Variants in PRELID2 observed in about 807,000 individuals in gnomAD.
The protein encoded by PRELID2 is PRELI domain-containing protein 2.
A neutral mutation model predicts 28.4 loss-of-function variants in PRELID2; 25 were observed. That is an observed-to-expected ratio of 0.88 (90% confidence interval 0.64 to 1.23). PRELID2 has a LOEUF of 1.23. Ranked by LOEUF, PRELID2 falls within the 50% of genes most tolerant of loss-of-function variation. PRELID2 has a pLI of 0.00. For missense variants in PRELID2, 201 were observed against 214.4 expected (o/e 0.94, Z 0.39); for synonymous variants, 76 against 71.6 (o/e 1.06, Z -0.31).
chr5:145,362,286 G>T, the PRELID2 span, among the ~76,000 whole-genome samples: 1 of 152,266 alleles, frequency 6.6e-6, no homozygotes, highest in South Asian at 2.1e-4. Context: ...TAAGGAATCT[G>T]ATTCTCTTCA....
intron 5 of PRELID2, among the ~76,000 whole-genome samples, chr5:145,768,144 G>C (rs1474800194): frequency 6.9e-6 from 1 of 144,004 alleles, no homozygotes; most frequent in Non-Finnish European, 1.5e-5. Flanking sequence ...AGAATTGCTT[G>C]AACCAGGGAG....
the PRELID2 span, among the ~76,000 whole-genome samples, chr5:145,392,013 C>T: frequency 6.6e-6 from 1 of 152,130 alleles, no homozygotes; most frequent in Non-Finnish European, 1.5e-5. Context: ...TTCAAACTTT[C>T]CCACATTTTC....
At chr5:145,399,608 A>C in the PRELID2 span, among the ~76,000 whole-genome samples, 1 of 152,152 alleles carries the variant, frequency 6.6e-6, no homozygotes, top group African/African-American at 2.4e-5. Flanking sequence ...TCTAATTTGT[A>C]ATAACTAACC....
chr5:145,269,001 G>A, the PRELID2 span, among the ~76,000 whole-genome samples: 1 of 152,000 alleles, frequency 6.6e-6, no homozygotes, highest in Admixed American at 6.6e-5. Context: ...TCCATGCTAA[G>A]AACTAAAACA....
chr5:145,827,393 T>C (rs1285620924), intron 1 of PRELID2, among the ~76,000 whole-genome samples: 1 of 152,154 alleles, frequency 6.6e-6, no homozygotes, highest in Non-Finnish European at 1.5e-5. Context: ...TTGAAAAGTA[T>C]TTGGAATGGC....
chr5:145,238,230 C>T, the PRELID2 span, among the ~76,000 whole-genome samples: 2 of 152,116 alleles, frequency 1.3e-5, no homozygotes, highest in African/African-American at 4.8e-5. Flanking sequence ...TGCTAGGGTG[C>T]TATTCTAGGA....
chr5:145,306,558 C>G, the PRELID2 span, among the ~76,000 whole-genome samples: 377 of 151,922 alleles, frequency 2.5e-3, 1 homozygote, highest in South Asian at 9.6e-3. Flanking sequence ...ACTTTTCATT[C>G]TGTTACATTT....
chr5:145,782,188 C>T (rs1484784707), intron 5 of PRELID2, among the ~76,000 whole-genome samples: 2 of 152,172 alleles, frequency 1.3e-5, no homozygotes, highest in African/African-American at 4.8e-5. Context: ...ACACCCAGTG[C>T]TGATAGAGAC....
chr5:145,727,702 G>GT (rs1756213028), intron 1 of PRELID2, among the ~76,000 whole-genome samples: 1 of 152,144 alleles, frequency 6.6e-6, no homozygotes, highest in Non-Finnish European at 1.5e-5. Context: ...TTTGGAACGG[G>GT]ATAAGAGTTT....
At chr5:145,526,890 T>C (rs994849076) in intron 1 of PRELID2, among the ~76,000 whole-genome samples, 1 of 152,214 alleles carries the variant, frequency 6.6e-6, no homozygotes, top group African/African-American at 2.4e-5. Flanking sequence ...GCAATTTTTA[T>C]ATAGTAATAG....
chr5:145,823,269 T>C (rs1754954769), intron 1 of PRELID2, 135 bp from the exon 2 acceptor site: 1 of 561,898 alleles, frequency 1.8e-6, no homozygotes, highest in Non-Finnish European at 3.2e-6. Flanking sequence ...TTTTGAATCA[T>C]GGATCTTAAT....
intron 1 of PRELID2, among the ~76,000 whole-genome samples, chr5:145,613,788 C>T (rs1191429613): frequency 6.6e-6 from 1 of 152,012 alleles, no homozygotes; most frequent in Non-Finnish European, 1.5e-5. Flanking sequence ...ATTTACTCTG[C>T]TGTTTCTTTT....
At chr5:145,432,098 G>A in the PRELID2 span, among the ~76,000 whole-genome samples, 1 of 151,936 alleles carries the variant, frequency 6.6e-6, no homozygotes, top group South Asian at 2.1e-4. Context: ...TTTAATAAAT[G>A]CATATATGTA....
intron 1 of PRELID2, among the ~76,000 whole-genome samples, chr5:145,670,707 A>G (rs979010623): frequency 4.6e-5 from 7 of 151,436 alleles, no homozygotes; most frequent in African/African-American, 1.7e-4. Flanking sequence ...CAACCTCCTC[A>G]CTCCCAATCT....
chr5:145,703,863 G>T (rs551121080), intron 1 of PRELID2: 158 of 152,228 alleles, frequency 1.0e-3, no homozygotes, highest in African/African-American at 3.7e-3. Flanking sequence ...TCACAGCTAC[G>T]TTTTACAAAA....
the PRELID2 span, among the ~76,000 whole-genome samples, chr5:145,413,883 T>C: frequency 6.6e-6 from 1 of 152,206 alleles, no homozygotes; most frequent in Admixed American, 6.5e-5. Context: ...ATTTTCTTTT[T>C]TTAAGACTGA....
At chr5:145,571,511 T>C (rs777669402) in intron 1 of PRELID2, among the ~76,000 whole-genome samples, 8 of 152,176 alleles carry the variant, frequency 5.3e-5, no homozygotes, top group Non-Finnish European at 8.8e-5. Flanking sequence ...AATTAAAGTA[T>C]TTTACCCTAA....
intron 5 of PRELID2, among the ~76,000 whole-genome samples, chr5:145,788,736 G>A (rs1004957707): frequency 1.2e-4 from 18 of 151,434 alleles, no homozygotes; most frequent in African/African-American, 4.4e-4. Context: ...ATGTTTGCTG[G>A]CAACATGATC....
intron 1 of PRELID2, among the ~76,000 whole-genome samples, chr5:145,722,087 A>G (rs1756005301): frequency 6.6e-6 from 1 of 152,166 alleles, no homozygotes; most frequent in Non-Finnish European, 1.5e-5. Flanking sequence ...GATCTTACAG[A>G]TCTTATAGAA....
Sources: allele counts gnomAD v4.1 joint callset (sites outside exome capture counted in the v4.1 genomes callset), GRCh38; gene constraint gnomAD v4.1.1; transcripts MANE v1.5; gene names NCBI Gene and HGNC (gene_info 2026-07-23, HGNC 2026-07-21).